The following GALNT13 variants were observed in gnomAD, a reference collection of about 807,000 sequenced individuals.
GALNT13 encodes the protein polypeptide N-acetylgalactosaminyltransferase 13, also known as UDP-GalNAc:polypeptide N-acetylgalactosaminyltransferase 13.
Under a neutral mutation model 64.2 loss-of-function variants are expected in GALNT13, and 28 were observed. That is an observed-to-expected ratio of 0.44 (90% confidence interval 0.32 to 0.60). The LOEUF is 0.60. GALNT13 is among the 20% of genes least tolerant of loss of function. The pLI is 0.05. For missense variants in GALNT13, 577 were observed against 669.8 expected (o/e 0.86, Z 1.53); for synonymous variants, 214 against 224.6 (o/e 0.95, Z 0.42).
intron 9 of GALNT13, among the ~76,000 whole-genome samples, chr2:154,354,533 T>C (rs1235340962): frequency 1.3e-5 from 2 of 151,242 alleles, no homozygotes; most frequent in African/African-American, 2.4e-5. Flanking sequence ...TCTAAGACTT[T>C]TATGGTTTCA....
At chr2:153,344,679 T>C in the GALNT13 span, among the ~76,000 whole-genome samples, 170 of 152,144 alleles carry the variant, frequency 1.1e-3, no homozygotes, top group Middle Eastern at 3.4e-3. Context: ...CAAATGTACA[T>C]CATGTGACTA....
chr2:154,267,691 G>A (rs1179380095), intron 8 of GALNT13, among the ~76,000 whole-genome samples: 1 of 151,994 alleles, frequency 6.6e-6, no homozygotes, highest in South Asian at 2.1e-4. Flanking sequence ...CCACTATTAA[G>A]AGAAAGAGAA....
intron 9 of GALNT13, among the ~76,000 whole-genome samples, chr2:154,356,803 TG>T (rs34381196): frequency 0.065 from 9,902 of 152,074 alleles, 328 homozygotes; most frequent in East Asian, 0.11. Context: ...TATATGTTGA[TG>T]CATATTTTTC....
the GALNT13 span, among the ~76,000 whole-genome samples, chr2:153,131,839 G>A: frequency 5.3e-5 from 8 of 151,980 alleles, no homozygotes; most frequent in East Asian, 1.4e-3. Flanking sequence ...TTTGGAGTAT[G>A]AGTAAATTGA....
chr2:153,274,163 A>G, the GALNT13 span, among the ~76,000 whole-genome samples: 1 of 152,150 alleles, frequency 6.6e-6, no homozygotes, highest in Non-Finnish European at 1.5e-5. Flanking sequence ...AGATGGTGCC[A>G]TTGCACTCCA....
At chr2:153,737,896 T>C in the GALNT13 span, among the ~76,000 whole-genome samples, 1 of 152,064 alleles carries the variant, frequency 6.6e-6, no homozygotes, top group Non-Finnish European at 1.5e-5. Flanking sequence ...ATTATAGAAA[T>C]AAATGTAAGT....
chr2:153,925,300 T>G (rs1017961050), intron 2 of GALNT13, among the ~76,000 whole-genome samples: 12 of 152,192 alleles, frequency 7.9e-5, no homozygotes, highest in African/African-American at 2.9e-4. Flanking sequence ...CACTATTTAT[T>G]AAATAGGGAA....
chr2:153,626,269 A>C, the GALNT13 span, among the ~76,000 whole-genome samples: 3 of 152,126 alleles, frequency 2.0e-5, no homozygotes, highest in Admixed American at 2.0e-4. Context: ...AAAGAGGAGA[A>C]ACACAACCTA....
At chr2:154,357,872 A>G (rs950858475) in intron 9 of GALNT13, among the ~76,000 whole-genome samples, 13 of 152,086 alleles carry the variant, frequency 8.5e-5, no homozygotes, top group African/African-American at 3.1e-4. Context: ...AAAATAGCCT[A>G]CTAATTAAAT....
the GALNT13 span, among the ~76,000 whole-genome samples, chr2:153,121,378 A>G: frequency 6.6e-6 from 1 of 151,664 alleles, no homozygotes; most frequent in South Asian, 2.1e-4. Flanking sequence ...GTTAACTTAC[A>G]CTCTATTTTT....
chr2:153,437,523 A>C, the GALNT13 span, among the ~76,000 whole-genome samples: 1 of 152,128 alleles, frequency 6.6e-6, no homozygotes, highest in Admixed American at 6.5e-5. Flanking sequence ...TATTGGGTGC[A>C]TATATATTTA....
chr2:153,311,753 T>C, the GALNT13 span, among the ~76,000 whole-genome samples: 1 of 152,214 alleles, frequency 6.6e-6, no homozygotes, highest in African/African-American at 2.4e-5. Context: ...AAGGAAGCTA[T>C]GGTGTTTTCA....
At chr2:153,715,337 G>T in the GALNT13 span, among the ~76,000 whole-genome samples, 1 of 152,228 alleles carries the variant, frequency 6.6e-6, no homozygotes, top group African/African-American at 2.4e-5. Context: ...GAAATACCCA[G>T]AGCTTCAGAG....
the GALNT13 span, among the ~76,000 whole-genome samples, chr2:153,732,520 A>G: frequency 6.6e-6 from 1 of 151,998 alleles, no homozygotes; most frequent in South Asian, 2.1e-4. Flanking sequence ...ACTGTAATAT[A>G]ACAATGAACT....
the GALNT13 span, among the ~76,000 whole-genome samples, chr2:153,393,185 A>G: frequency 6.6e-6 from 1 of 152,098 alleles, no homozygotes; most frequent in African/African-American, 2.4e-5. Context: ...ATAGTATGCC[A>G]AAAACCTCCC....
At chr2:154,153,731 G>A (rs564869278) in intron 4 of GALNT13, among the ~76,000 whole-genome samples, 9 of 152,312 alleles carry the variant, frequency 5.9e-5, no homozygotes, top group South Asian at 4.1e-4. Flanking sequence ...AGAACCCTCC[G>A]AGCCAGGTGC....
the GALNT13 span, among the ~76,000 whole-genome samples, chr2:153,382,388 C>G: frequency 6.6e-6 from 1 of 151,904 alleles, no homozygotes; most frequent in Non-Finnish European, 1.5e-5. Context: ...TCATGAGTAC[C>G]CAATGTTTGG....
intron 9 of GALNT13, among the ~76,000 whole-genome samples, chr2:154,363,667 T>A (rs996204932): frequency 6.6e-6 from 1 of 152,298 alleles, no homozygotes; most frequent in African/African-American, 2.4e-5. Context: ...TGTAGGGAGT[T>A]TTTATGTGAA....
the GALNT13 span, among the ~76,000 whole-genome samples, chr2:153,539,843 T>G: frequency 6.6e-6 from 1 of 152,166 alleles, no homozygotes; most frequent in Non-Finnish European, 1.5e-5. Context: ...TCCAGCTTTG[T>G]TCTTTTGGCT....
Sources: gnomAD v4.1 joint callset for allele counts (sites outside exome capture counted in the v4.1 genomes callset) on GRCh38, gnomAD v4.1.1 for gene constraint, MANE v1.5 for transcripts, NCBI Gene and HGNC (gene_info 2026-07-23, HGNC 2026-07-21) for gene names.